The following PRKAR1B variants were observed in gnomAD, a reference collection of about 807,000 sequenced individuals.
The protein encoded by PRKAR1B is protein kinase cAMP-dependent type I regulatory subunit beta.
PRKAR1B carries 22 observed loss-of-function variants against 46.5 expected under a neutral mutation model. The ratio of observed to expected loss-of-function variants is 0.47; its 90% CI spans 0.34 to 0.68. The LOEUF (loss-of-function observed/expected upper bound fraction) is 0.68, where lower values mean the gene tolerates loss of function less well. PRKAR1B is among the 30% of genes least tolerant of loss of function. The pLI, the probability that PRKAR1B is intolerant of heterozygous loss-of-function variation, is 0.01. For synonymous variants in PRKAR1B, 259 were observed against 217.7 expected, an observed-to-expected ratio of 1.19 and a Z score of -1.67; for missense variants, 445 against 535.6, an observed-to-expected ratio of 0.83 and a Z score of 1.67.
intron 2 of PRKAR1B, among the ~76,000 whole-genome samples, chr7:683,826 C>A (rs1002460695): frequency 1.4e-4 from 21 of 152,208 alleles, no homozygotes; most frequent in Non-Finnish European, 2.9e-5. Flanking sequence ...AGAAACAATC[C>A]CACCCGCTCC....
intron 8 of PRKAR1B, among the ~76,000 whole-genome samples, chr7:580,880 A>G (rs1291874662): frequency 1.3e-5 from 2 of 152,166 alleles, no homozygotes. Flanking sequence ...CTCCTTAAAA[A>G]TCCCTGTCGG....
In PRKAR1B at chr7:618,613, G is replaced by A. The variant is rs144116957; in HGVS notation, c.441-11161C>T. On this transcript the variant is annotated intron_variant, in intron 4 of 10. Coordinates refer to ENST00000537384, the MANE Select transcript of PRKAR1B (RefSeq NM_001164760.2). Reference sequence around the variant, plus strand: ...ACATTGCCTGACACGTTGGGGCTGCGGCTTTGAACTGCCGTTTTGTTTGCA... The same window carrying A: ...ACATTGCCTGACACGTTGGGGCTGCAGCTTTGAACTGCCGTTTTGTTTGCA... Among the ~76,000 whole-genome samples the A allele has an allele frequency of 3.9e-3, 600 of 152,284 alleles. 4 individuals carry two copies. The highest frequency in any genetic ancestry group is 0.014 in the African/African-American group (563 of 41,556).
intron 4 of PRKAR1B, among the ~76,000 whole-genome samples, chr7:616,502 C>T (rs1447399165): frequency 2.0e-5 from 3 of 152,244 alleles, no homozygotes; most frequent in Non-Finnish European, 4.4e-5. Flanking sequence ...TGCGTCCTGC[C>T]AGCCGGCGGG....
rs949574531 is a variant in PRKAR1B, at chr7:602,354, A to C, written c.549+3839T>G. On this transcript the variant is annotated intron_variant, in intron 6 of 10. Transcript: ENST00000537384. This position sits in a 1 kb window ranked among gnomAD's most constrained non-coding sequence, Gnocchi z 6.4. ...GATGCCTCACTGAGTCCAGAGGTCGAGGGGTGGGTGGGGATTCTGCGAGGA... is the reference window on the plus strand; with the variant it reads ...GATGCCTCACTGAGTCCAGAGGTCGCGGGGTGGGTGGGGATTCTGCGAGGA... 1.3e-5 allele frequency among the ~76,000 whole-genome samples: 2 copies of C among 149,454 alleles called. No individual in the cohort carries two copies. The highest frequency in any genetic ancestry group is 2.5e-5 in the African/African-American group (1 of 40,566).
intron 4 of PRKAR1B, among the ~76,000 whole-genome samples, chr7:646,935 A>C (rs1466921066): frequency 6.6e-6 from 1 of 152,206 alleles, no homozygotes; most frequent in Admixed American, 6.5e-5. Flanking sequence ...CGGCAGCGGT[A>C]CACCTGGCAG....
At chr7:553,618 G>A (rs1784385819) in intron 9 of PRKAR1B, among the ~76,000 whole-genome samples, 1 of 152,194 alleles carries the variant, frequency 6.6e-6, no homozygotes, top group Non-Finnish European at 1.5e-5. Context: ...GCTGCTCTTG[G>A]AGAACAAACA....
chr7:603,664 G>T (rs1781791314), intron 6 of PRKAR1B, among the ~76,000 whole-genome samples: 1 of 149,832 alleles, frequency 6.7e-6, no homozygotes, highest in African/African-American at 2.5e-5. Flanking sequence ...AGAGGGCAGG[G>T]GAGGAGGTGA....
At chr7:550,636 T>TG (rs1206072360) in intron 10 of PRKAR1B, 34 bp from the exon 11 acceptor site, 2 of 1,500,030 alleles carry the variant, frequency 1.3e-6, no homozygotes, top group East Asian at 2.3e-5. Flanking sequence ...GGGCTGGGCC[T>TG]GGGGGTCCTG....
rs900496106 is a variant in PRKAR1B at position 727,222 on chromosome 7, C to T, written c.-35G>A. ...GCTCGCGCCCCACCTGGACGACGCT[C>T]TGCGCGCGCTGCGCTGCTCCCTGCT... On this transcript the variant is annotated 5_prime_UTR_variant, in exon 1 of 11. Transcript: ENST00000537384. 4 of 1,347,788 alleles carry T rather than the reference C, an allele frequency of 3.0e-6. No individual in the cohort carries two copies. Among genetic ancestry groups the T allele is most frequent in the South Asian group, 1.7e-5 (1 of 57,470 alleles). The allele number at this position is 1,347,788 out of a possible 1,614,324, so 83.5% of individuals were successfully genotyped here.
chr7:580,418 C>T (rs1039636139), intron 8 of PRKAR1B, among the ~76,000 whole-genome samples: 1 of 151,780 alleles, frequency 6.6e-6, no homozygotes, highest in East Asian at 1.9e-4. Context: ...AATAATAATA[C>T]ATGAATAACA....
chr7:719,562 G>A (rs980289543), intron 1 of PRKAR1B, among the ~76,000 whole-genome samples: 14 of 152,138 alleles, frequency 9.2e-5, no homozygotes, highest in Non-Finnish European at 1.6e-4. Flanking sequence ...TGATTCTCCC[G>A]TCTCAGCATC....
chr7:615,159 C>T (rs527433896), intron 4 of PRKAR1B, among the ~76,000 whole-genome samples: 2 of 152,204 alleles, frequency 1.3e-5, no homozygotes, highest in South Asian at 4.2e-4. Flanking sequence ...GGTGCAGTGG[C>T]TCACACTTGT....
chr7:573,917 ATCCC>A (rs1779673626), intron 9 of PRKAR1B, among the ~76,000 whole-genome samples: 1 of 152,160 alleles, frequency 6.6e-6, no homozygotes, highest in Admixed American at 6.5e-5. Context: ...GGCTGGCAGA[ATCCC>A]CCCGCCGGGG....
chr7:641,959 A>C (rs967569259), intron 4 of PRKAR1B, among the ~76,000 whole-genome samples: 4 of 152,122 alleles, frequency 2.6e-5, no homozygotes, highest in Admixed American at 6.6e-5. Flanking sequence ...ATTAGGGCAC[A>C]GTGGCACAAT....
chr7:689,388 T>C (rs1000235405), intron 2 of PRKAR1B, among the ~76,000 whole-genome samples: 1 of 152,166 alleles, frequency 6.6e-6, no homozygotes, highest in Non-Finnish European at 1.5e-5. Flanking sequence ...CCCAAAGTGC[T>C]GGGATTACAG....
chr7:721,208 CCACAT>C (rs771139596), intron 1 of PRKAR1B, among the ~76,000 whole-genome samples: 8 of 152,154 alleles, frequency 5.3e-5, no homozygotes, highest in Non-Finnish European at 1.0e-4. Context: ...ACATCACACA[CCACAT>C]GAGTGTTGTA....
chr7:594,126 C>T (rs1781136290), intron 7 of PRKAR1B, among the ~76,000 whole-genome samples: 1 of 152,184 alleles, frequency 6.6e-6, no homozygotes, highest in African/African-American at 2.4e-5. Flanking sequence ...AGGACTCTCC[C>T]CAGTCCTGCC....
intron 7 of PRKAR1B, among the ~76,000 whole-genome samples, chr7:595,329 C>T (rs1010188454): frequency 6.6e-6 from 1 of 152,074 alleles, no homozygotes; most frequent in Non-Finnish European, 1.5e-5. Flanking sequence ...AACAGCAGTC[C>T]CCCCCGCCCC....
intron 9 of PRKAR1B, among the ~76,000 whole-genome samples, chr7:554,320 C>T (rs1269397106): frequency 6.6e-6 from 1 of 152,266 alleles, no homozygotes; most frequent in African/African-American, 2.4e-5. Context: ...CTGTGAGCGG[C>T]GTTATTTGTC....
Sources: allele counts gnomAD v4.1 joint callset (sites outside exome capture counted in the v4.1 genomes callset), GRCh38; gene constraint gnomAD v4.1.1; non-coding constraint Gnocchi (gnomAD v3.1); transcripts MANE v1.5; gene names NCBI Gene and HGNC (gene_info 2026-07-23, HGNC 2026-07-21).